ANKS3: variants seen among roughly 807,000 people sequenced by gnomAD.
The protein encoded by ANKS3 is ankyrin repeat and sterile alpha motif domain containing 3.
In ANKS3, 62 loss-of-function variants were observed where a neutral mutation model predicts 80.7. The observed-to-expected ratio is 0.77, with a 90% CI of 0.63 to 0.95. ANKS3 has a LOEUF of 0.95. ANKS3 is among the 40% of genes least tolerant of loss of function. The pLI is 0.00. For synonymous variants in ANKS3, 489 were observed against 355.3 expected, an observed-to-expected ratio of 1.38 and a Z score of -4.23; for missense variants, 1,150 against 883.6, an observed-to-expected ratio of 1.30 and a Z score of -3.82.
intron 3 of ANKS3, among the ~76,000 whole-genome samples, chr16:4,728,870 C>CCA (rs1451064208): frequency 3.7e-4 from 56 of 152,306 alleles, no homozygotes; most frequent in African/African-American, 1.3e-3. Flanking sequence ...GCGCAACAGA[C>CCA]CACCCTGTAC....
rs541845553 is a variant in ANKS3 at position 4,734,209 on chromosome 16, C to G, written c.-342G>C. ...CCTCGGGCTGCCGTCGCCAACCCCC[C>G]CCAAACAGCTCGCCGCCACGCTCCC... On this transcript the variant is annotated 5_prime_UTR_variant, in exon 1 of 18. Transcript: ENST00000304283. 4 of 180,074 alleles carry G rather than the reference C, an allele frequency of 2.2e-5. No individual in the cohort carries two copies. The highest frequency in any genetic ancestry group is 1.9e-4 in the East Asian group (1 of 5,280). 11.2% of individuals were successfully genotyped at this position (180,074 alleles called of 1,614,324 possible). A position where few individuals can be genotyped will look rare whatever the true frequency, so the allele number is the denominator to read the frequency against.
chr16:4,701,955 G>T (rs1004707865), intron 9 of ANKS3, 147 bp downstream of exon 9: 1 of 1,024,466 alleles, frequency 9.8e-7, no homozygotes, highest in Non-Finnish European at 1.4e-6. Context: ...TTCCTCACAA[G>T]AACCAGGGCC....
chr16:4,701,228 C>A, intron 10 of ANKS3, 94 bp from the exon 11 acceptor site: 1 of 1,560,854 alleles, frequency 6.4e-7, no homozygotes, highest in South Asian at 1.1e-5. Context: ...TGAGAGGCTT[C>A]GTGAAACCCC....
intron 6 of ANKS3, among the ~76,000 whole-genome samples, chr16:4,723,852 G>C (rs569185602): frequency 2.0e-5 from 3 of 151,608 alleles, no homozygotes; most frequent in Non-Finnish European, 4.4e-5. Flanking sequence ...AGGAATTCAA[G>C]ACTAGCCTGC....
intron 11 of ANKS3, chr16:4,700,071 A>C (rs2079814822): frequency 2.0e-5 from 3 of 152,476 alleles, no homozygotes; most frequent in African/African-American, 7.2e-5. Flanking sequence ...CGGCAAATCC[A>C]AGGCTCTACT....
chr16:4,698,378 G>C (rs187447720), intron 14 of ANKS3, 49 bp downstream of exon 14: 1 of 1,439,580 alleles, frequency 6.9e-7, no homozygotes, highest in Non-Finnish European at 9.1e-7. Flanking sequence ...CCAGGGGCCA[G>C]GTGGCTGACC....
intron 11 of ANKS3, chr16:4,699,685 CT>C (rs1418792417): frequency 5.8e-6 from 1 of 171,990 alleles, no homozygotes; most frequent in African/African-American, 2.4e-5. Context: ...TGGAATGCCA[CT>C]GTATGGGGTG....
intron 8 of ANKS3, among the ~76,000 whole-genome samples, chr16:4,703,524 G>A (rs564579092): frequency 6.0e-5 from 9 of 150,448 alleles, no homozygotes; most frequent in Admixed American, 5.3e-4. Flanking sequence ...GGGTTCAACC[G>A]ATTCTCCTGC....
At chr16:4,704,901 G>C (rs1289905379) in intron 8 of ANKS3, among the ~76,000 whole-genome samples, 194 bp downstream of exon 8, 1 of 152,232 alleles carries the variant, frequency 6.6e-6, no homozygotes. Context: ...ACAAGAGCTA[G>C]TCCGTGACCA....
chr16:4,722,777 G>C lies in ANKS3; in HGVS notation c.573+1973C>G, dbSNP rs140041080. ...TACTAAAATACAAAAAATTAGCCAG[G>C]TGTGCGGGCGGGTGCCTGCAGTCCC... On this transcript the variant is annotated intron_variant, in intron 6 of 17. Transcript: ENST00000304283. Among the ~76,000 whole-genome samples the C allele has an allele frequency of 3.2e-3, 484 of 149,526 alleles. 3 individuals carry two copies. Among genetic ancestry groups the C allele is most frequent in the African/African-American group, 0.011 (463 of 40,568 alleles).
rs532329584 is a variant in ANKS3, at chr16:4,699,285, T to G, written c.1285-109A>C. 9.7e-6 allele frequency: 14 copies of G among 1,439,306 alleles called. No individual in the cohort carries two copies. In the South Asian group the frequency reaches 1.7e-4, roughly 17 times the overall value. The allele number at this position is 1,439,306 out of a possible 1,614,324, so 89.2% of individuals were successfully genotyped here. On this transcript the variant is annotated intron_variant, in intron 11 of 17. Transcript: ENST00000304283. ...TTCCCCAGGCTCAGAACCAAGACAG[T>G]GCCTTGTGTGTGGCGCCCAGGCTGT...
chr16:4,700,879 C>T (rs1014082800), intron 11 of ANKS3, 91 bp downstream of exon 11: 26 of 1,510,020 alleles, frequency 1.7e-5, no homozygotes, highest in East Asian at 2.3e-5. Flanking sequence ...CTCCTAGCAG[C>T]GCCTGGCACG....
In ANKS3 at chr16:4,698,527, A is replaced by C. The variant is rs2079709865; in HGVS notation, c.1624T>G (p.Cys542Gly). Residue 542 changes from cysteine to glycine, a missense_variant, in exon 14 of 18, where the codon TGC becomes GGC. Transcript: ENST00000304283. The part of the protein sequence containing the change: ...EQELRAVVES[C>G]LLEQDRARED... ...CGGGCGCGGTCCTGCTCCAGCAGGC[A>C]GCTCTCCACCACGGCGCGCAGCTCC... 1.3e-6 allele frequency: 2 copies of C among 1,573,914 alleles called. No individual in the cohort carries two copies. Among genetic ancestry groups the C allele is most frequent in the East Asian group, 4.6e-5 (2 of 43,154 alleles).
At chr16:4,710,455 C>G (rs939470783) in intron 7 of ANKS3, among the ~76,000 whole-genome samples, 1 of 152,130 alleles carries the variant, frequency 6.6e-6, no homozygotes, top group Non-Finnish European at 1.5e-5. Flanking sequence ...TGCCTGTAGT[C>G]CCAGCACTTT....
Position 4,702,160 on chromosome 16 carries a change from A to C in ANKS3, c.951T>G (p.Asp317Glu). 1 of 1,594,400 alleles carries C rather than the reference A, an allele frequency of 6.3e-7. No individual in the cohort carries two copies. The highest frequency in any genetic ancestry group is 8.5e-7 in the Non-Finnish European group (1 of 1,171,604). Residue 317 changes from aspartate to glutamate, a missense_variant, in exon 9 of 18, where the codon GAT (aspartate) becomes GAG (glutamate). Physicochemically the swap from Asp to Glu is conservative, Grantham distance 45 (BLOSUM62 2). Transcript: ENST00000304283. Reference sequence around the variant, plus strand: ...CCCGCTCATTGATGGGGGAGGTGACATCCCGGCAGCAGAGGCCCTCTTCTT... The same window carrying C: ...CCCGCTCATTGATGGGGGAGGTGACCTCCCGGCAGCAGAGGCCCTCTTCTT... ...PLEEEGLCCR[D>E]VTSPINERDV...
intron 7 of ANKS3, 168 bp downstream of exon 7, chr16:4,713,883 T>C: frequency 2.2e-6 from 2 of 927,720 alleles, no homozygotes; most frequent in Non-Finnish European, 3.1e-6. Context: ...CCTTATCTCC[T>C]GTTAGAGCAG....
intron 15 of ANKS3, among the ~76,000 whole-genome samples, chr16:4,697,619 G>A (rs1443488018): frequency 6.6e-6 from 1 of 152,220 alleles, no homozygotes; most frequent in South Asian, 2.1e-4. Flanking sequence ...ACACTACGAG[G>A]CCCGGGTCAG....
chr16:4,719,368 G>A (rs118101691), intron 6 of ANKS3, among the ~76,000 whole-genome samples: 251 of 152,230 alleles, frequency 1.6e-3, no homozygotes, highest in Non-Finnish European at 2.8e-3. Context: ...AATTATAAGA[G>A]TACATATCTC....
chr16:4,719,108 G>T (rs1287090309), intron 6 of ANKS3, among the ~76,000 whole-genome samples: 2 of 152,096 alleles, frequency 1.3e-5, no homozygotes, highest in Non-Finnish European at 2.9e-5. Context: ...GCCAAGGTGG[G>T]AGGACCACTT....
Sources: allele counts gnomAD v4.1 joint callset (sites outside exome capture counted in the v4.1 genomes callset), GRCh38; gene constraint gnomAD v4.1.1; transcripts MANE v1.5; gene names NCBI Gene and HGNC (gene_info 2026-07-23, HGNC 2026-07-21).